MRGBP: variants seen among roughly 807,000 people sequenced by gnomAD.
MRGBP encodes MRG/MORF4L-binding protein.
In MRGBP, 5 loss-of-function variants were observed where a neutral mutation model predicts 21.5. That is an observed-to-expected ratio of 0.23 (90% CI 0.12 to 0.49). The LOEUF is 0.49. Ranked by LOEUF, MRGBP falls within the 20% of genes least tolerant of loss-of-function variation. The probability of loss-of-function intolerance (pLI) is 0.98; values close to 1 mark genes in which losing one functional copy is unlikely to be tolerated. For missense variants in MRGBP, 227 were observed against 277.4 expected (o/e 0.82, Z 1.29); for synonymous variants, 118 against 104.4 (o/e 1.13, Z -0.79).
In MRGBP at chr20:62,801,140, C is replaced by T. The variant is rs941848431; in HGVS notation, c.*1497C>T. ...ATCGCCCCGTGTGGCACCTGCCACT[C>T]GTCTGCACCAAACGCACTGCCAGTT... On this transcript the variant is annotated 3_prime_UTR_variant, in exon 5 of 5. Coordinates refer to ENST00000370487, the MANE Select transcript of MRGBP (RefSeq NM_018270.6). 9.8e-5 allele frequency: 15 copies of T among 152,286 alleles called. No individual in the cohort carries two copies. Among genetic ancestry groups the T allele is most frequent in the Admixed American group, 7.8e-4 (12 of 15,290 alleles). 9.4% of individuals were successfully genotyped at this position (152,286 alleles called of 1,614,324 possible). A position where few individuals can be genotyped will look rare whatever the true frequency, so the allele number is the denominator to read the frequency against.
chr20:62,798,966 C>T lies in MRGBP; in HGVS notation c.353-9C>T, dbSNP rs756785638. 1.9e-6 allele frequency: 3 copies of T among 1,613,548 alleles called. No homozygotes were observed. Among genetic ancestry groups the T allele is most frequent in the Non-Finnish European group, 2.5e-6 (3 of 1,179,966 alleles). Reference sequence around the variant, plus strand: ...GGTTTTCGGTGAGCGTCAGCTGTCTCCTCCACAGGAAAAGTGATGATAGAA... The same window carrying T: ...GGTTTTCGGTGAGCGTCAGCTGTCTTCTCCACAGGAAAAGTGATGATAGAA... On this transcript the variant is annotated splice_polypyrimidine_tract_variant and intron_variant, in intron 3 of 4. Coordinates refer to ENST00000370487, the MANE Select transcript of MRGBP (RefSeq NM_018270.6).
Position 62,799,840 on chromosome 20 carries a change from C to T in MRGBP, c.*197C>T, listed in dbSNP as rs1196594566. 1 of 583,572 alleles carries T rather than the reference C, an allele frequency of 1.7e-6. No homozygotes were observed. The highest frequency in any genetic ancestry group is 3.0e-6 in the Non-Finnish European group (1 of 336,046). 36.1% of individuals were successfully genotyped at this position (583,572 alleles called of 1,614,324 possible). ...GTGTGTCAGTTGGACCATGTGGGAC[C>T]CTGATGGACCTGAAAGACCAGGATC... is the stretch of plus-strand genomic sequence containing the variant. On this transcript the variant is annotated 3_prime_UTR_variant, in exon 5 of 5. Transcript: ENST00000370487.
At chr20:62,799,265 G>A (rs1363332413) in intron 4 of MRGBP, among the ~76,000 whole-genome samples, 191 bp from the exon 5 acceptor site, 2 of 152,158 alleles carry the variant, frequency 1.3e-5, no homozygotes, top group Non-Finnish European at 2.9e-5. Flanking sequence ...TCCCTGCAGT[G>A]CCCGCCGCAG....
chr20:62,797,039 G>T, intron 1 of MRGBP, 71 bp from the exon 2 acceptor site: 1 of 1,449,336 alleles, frequency 6.9e-7, no homozygotes, highest in South Asian at 1.3e-5. Flanking sequence ...CAGTCCCCAG[G>T]GCAGCCCGTC....
chr20:62,798,202 C>T (rs1392509244), intron 2 of MRGBP, among the ~76,000 whole-genome samples: 1 of 152,208 alleles, frequency 6.6e-6, no homozygotes, highest in African/African-American at 2.4e-5. Flanking sequence ...TCACTGTGCC[C>T]TCTGCATGCC....
Position 62,800,911 on chromosome 20 carries a change from G to A in MRGBP, c.*1268G>A, listed in dbSNP as rs1427393321. ...GCTGGGTCACAGAGTGAAATCCAGC[G>A]TTCCGTGTGCGGACGAGGAGACAAG... is the stretch of plus-strand genomic sequence containing the variant. On this transcript the variant is annotated 3_prime_UTR_variant, in exon 5 of 5. Coordinates refer to ENST00000370487, the MANE Select transcript of MRGBP (RefSeq NM_018270.6). The A allele has an allele frequency of 6.6e-6, 1 of 152,176 alleles. No homozygotes were observed. The highest frequency in any genetic ancestry group is 1.5e-5 in the Non-Finnish European group (1 of 68,038). 9.4% of individuals were successfully genotyped at this position (152,176 alleles called of 1,614,324 possible). A position where few individuals can be genotyped will look rare whatever the true frequency, so the allele number is the denominator to read the frequency against.
chr20:62,799,334 C>A, intron 4 of MRGBP, 122 bp from the exon 5 acceptor site: 3 of 1,145,320 alleles, frequency 2.6e-6, no homozygotes, highest in Non-Finnish European at 3.7e-6. Context: ...GCTCCCAGCT[C>A]AGGAGGAAGC....
chr20:62,798,674 G>C lies in MRGBP; in HGVS notation c.352+6G>C, dbSNP rs777374298. ...CATTCAGGAGGTCCGAGAAGGTGAG[G>C]CTCGGGAAAGGTTGGGCTTGGGATT... On this transcript the variant is annotated splice_donor_region_variant and intron_variant, in intron 3 of 4. Transcript: ENST00000370487. 8.1e-6 allele frequency: 13 copies of C among 1,613,466 alleles called. No individual in the cohort carries two copies. The highest frequency in any genetic ancestry group is 1.1e-5 in the Non-Finnish European group (13 of 1,179,668).
At position 62,799,364 on chromosome 20, in the gene MRGBP, G is replaced by A. The variant is rs538269382; in HGVS notation, c.428-92G>A. ...GGAAGCTTTGGGTTCAGAGGGTCAC[G>A]TGTCAGTATGCAGATTTTTTTAACT... On this transcript the variant is annotated intron_variant, in intron 4 of 4. Transcript: ENST00000370487. 7.2e-5 allele frequency: 98 copies of A among 1,357,148 alleles called. No homozygotes were observed. In the African/African-American group the frequency reaches 9.8e-4, roughly 14 times the overall value. 84.1% of individuals were successfully genotyped at this position (1,357,148 alleles called of 1,614,324 possible).
intron 2 of MRGBP, among the ~76,000 whole-genome samples, chr20:62,797,897 G>A (rs1218596573): frequency 6.6e-6 from 1 of 152,172 alleles, no homozygotes; most frequent in East Asian, 1.9e-4. Flanking sequence ...AAAGAAGGTG[G>A]TGTACTTGGA....
rs372413684 is a variant in MRGBP at position 62,799,661 on chromosome 20, C to A, written c.*18C>A. On this transcript the variant is annotated 3_prime_UTR_variant, in exon 5 of 5. Coordinates refer to ENST00000370487, the MANE Select transcript of MRGBP (RefSeq NM_018270.6). ...GCACGTAGACCCTCAGCCCTGGTGGCGGCAGAGAAGCGGGCGAGGCACTGT... is the reference window on the plus strand; with the variant it reads ...GCACGTAGACCCTCAGCCCTGGTGGAGGCAGAGAAGCGGGCGAGGCACTGT... The A allele has an allele frequency of 9.8e-5, 156 of 1,598,722 alleles. No individual in the cohort carries two copies. The highest frequency in any genetic ancestry group is 1.3e-4 in the Non-Finnish European group (151 of 1,171,664).
rs554564233 is a variant in MRGBP, at chr20:62,797,262, G to A, written c.270+31G>A. ...CCCAACCGCCCTCCCTGTGCCGCCC[G>A]ATGGGGGCACGAACCCGCACACCGC... On this transcript the variant is annotated intron_variant, in intron 2 of 4. Transcript: ENST00000370487. The A allele has an allele frequency of 4.6e-6, 7 of 1,525,630 alleles. No homozygotes were observed. The South Asian group carries it at 7.6e-5, about 17-fold the overall frequency. 94.5% of individuals were successfully genotyped at this position (1,525,630 alleles called of 1,614,324 possible). A position where few individuals can be genotyped will look rare whatever the true frequency, so the allele number is the denominator to read the frequency against.
chr20:62,796,701 GGGCGGGGCGGGCAACC>G (rs771448046), intron 1 of MRGBP, 30 bp downstream of exon 1: 118 of 1,258,908 alleles, frequency 9.4e-5, no homozygotes, highest in Non-Finnish European at 9.3e-5. Context: ...ACGCGCGTGG[GGGCGGGGCGGGCAACC>G]GGCGGGGCGG....
At chr20:62,796,700 G>C in intron 1 of MRGBP, 29 bp downstream of exon 1, 2 of 1,259,790 alleles carry the variant, frequency 1.6e-6, no homozygotes, top group Non-Finnish European at 2.0e-6. Flanking sequence ...GACGCGCGTG[G>C]GGGCGGGGCG....
rs1265198333 is a variant in MRGBP, at chr20:62,801,006, C to G, written c.*1363C>G. The G allele has an allele frequency of 6.6e-6, 1 of 152,248 alleles. No individual in the cohort carries two copies. The highest frequency in any genetic ancestry group is 1.5e-5 in the Non-Finnish European group (1 of 68,052). 9.4% of individuals were successfully genotyped at this position (152,248 alleles called of 1,614,324 possible). A position where few individuals can be genotyped will look rare whatever the true frequency, so the allele number is the denominator to read the frequency against. On this transcript the variant is annotated 3_prime_UTR_variant, in exon 5 of 5. Transcript: ENST00000370487. ...TGCTTCTCTGCCAGTGGAGCCTCCT[C>G]CACCACCTGGGAACATCCCTGGCCA...
rs562785139 is a variant in MRGBP, at chr20:62,801,573, A to C, written c.*1930A>C. ...TAGGCAGTCCAGAAGCAGCAGGGCAAAGGGGGGCAAATACTAACACGGGGT... is the reference window on the plus strand; with the variant it reads ...TAGGCAGTCCAGAAGCAGCAGGGCACAGGGGGGCAAATACTAACACGGGGT... On this transcript the variant is annotated 3_prime_UTR_variant, in exon 5 of 5. Transcript: ENST00000370487. The C allele has an allele frequency of 8.5e-5, 13 of 152,458 alleles. No homozygotes were observed. Among genetic ancestry groups the C allele is most frequent in the Non-Finnish European group, 1.5e-4 (10 of 68,242 alleles). 9.4% of individuals were successfully genotyped at this position (152,458 alleles called of 1,614,324 possible). A position where few individuals can be genotyped will look rare whatever the true frequency, so the allele number is the denominator to read the frequency against.
chr20:62,799,923 G>A lies in MRGBP; in HGVS notation c.*280G>A, dbSNP rs1990421580. Reference sequence around the variant, plus strand: ...TAGTTCTGTCTTCTCTGGAGCAGCTGTGGCTTCCCCGTGGCTGCTTGGTGA... The same window carrying A: ...TAGTTCTGTCTTCTCTGGAGCAGCTATGGCTTCCCCGTGGCTGCTTGGTGA... On this transcript the variant is annotated 3_prime_UTR_variant, in exon 5 of 5. Transcript: ENST00000370487. The A allele has an allele frequency of 2.7e-6, 1 of 377,032 alleles. No homozygotes were observed. Among genetic ancestry groups the A allele is most frequent in the East Asian group, 4.0e-5 (1 of 24,802 alleles). The allele number at this position is 377,032 out of a possible 1,614,324, so 23.4% of individuals were successfully genotyped here.
In MRGBP at chr20:62,799,604, C is replaced by T. The variant is rs768908795; in HGVS notation, c.576C>T (p.Asn192=). ...VTDKVLTANS[N]PSSPSAAKRR... Reference sequence around the variant, plus strand: ...ACAAAGTCCTGACCGCAAACAGCAACCCTTCCAGTCCCAGTGCTGCCAAGC... The same window carrying T: ...ACAAAGTCCTGACCGCAAACAGCAATCCTTCCAGTCCCAGTGCTGCCAAGC... Residue 192 remains asparagine, a synonymous_variant, in exon 5 of 5, where the codon AAC becomes AAT. Coordinates refer to ENST00000370487, the MANE Select transcript of MRGBP (RefSeq NM_018270.6). 4 of 1,613,468 alleles carry T rather than the reference C, an allele frequency of 2.5e-6. No individual in the cohort carries two copies. Among genetic ancestry groups the T allele is most frequent in the Middle Eastern group, 1.7e-4 (1 of 6,056 alleles).
intron 4 of MRGBP, 38 bp downstream of exon 4, chr20:62,799,087 G>A: frequency 1.3e-6 from 2 of 1,580,172 alleles, no homozygotes; most frequent in East Asian, 2.3e-5. Context: ...TGCCCTTTGG[G>A]GCTCAGCACC....
Sources: gnomAD v4.1 joint callset for allele counts (sites outside exome capture counted in the v4.1 genomes callset) on GRCh38, gnomAD v4.1.1 for gene constraint, MANE v1.5 for transcripts, NCBI Gene and HGNC (gene_info 2026-07-23, HGNC 2026-07-21) for gene names.